Variants in MFN1 observed in about 807,000 individuals in gnomAD.
MFN1 encodes mitofusin 1.
In MFN1, 65 loss-of-function variants were observed where a neutral mutation model predicts 92.4. The ratio of observed to expected loss-of-function variants is 0.70; its 90% confidence interval spans 0.58 to 0.86. The LOEUF (loss-of-function observed/expected upper bound fraction) is 0.86, where lower values mean the gene tolerates loss of function less well. Among genes scored for constraint, MFN1 ranks in the 40% least tolerant of loss-of-function variants. The pLI is 0.00. For synonymous variants in MFN1, 297 were observed against 300.9 expected, an observed-to-expected ratio of 0.99 and a Z score of 0.13; for missense variants, 781 against 868.0, an observed-to-expected ratio of 0.90 and a Z score of 1.26.
intron 9 of MFN1, among the ~76,000 whole-genome samples, chr3:179,368,988 TG>T (rs1029014550): frequency 6.6e-6 from 1 of 152,124 alleles, no homozygotes; most frequent in Non-Finnish European, 1.5e-5. Flanking sequence ...ATCTTTAATT[TG>T]GTGAGAGAAA....
intron 3 of MFN1, among the ~76,000 whole-genome samples, chr3:179,355,058 A>G (rs890860508): frequency 1.3e-5 from 2 of 152,050 alleles, no homozygotes; most frequent in African/African-American, 2.4e-5. Flanking sequence ...CGGCCTCCCA[A>G]AGTGCTGGGA....
intron 7 of MFN1, among the ~76,000 whole-genome samples, 181 bp from the exon 8 acceptor site, chr3:179,367,258 G>A (rs913743884): frequency 2.3e-4 from 35 of 152,308 alleles, no homozygotes; most frequent in Admixed American, 7.2e-4. Context: ...AGACAGAATC[G>A]TTAAGAGAAA....
At chr3:179,356,827 G>T (rs9822116) in intron 3 of MFN1, among the ~76,000 whole-genome samples, 78,847 of 151,830 alleles carry the variant, frequency 0.52, 21,957 homozygotes, top group African/African-American at 0.73. Flanking sequence ...GTAACTATAG[G>T]AGGTCCATCA....
At chr3:179,361,279 A>C (rs1712565628) in intron 4 of MFN1, among the ~76,000 whole-genome samples, 1 of 152,154 alleles carries the variant, frequency 6.6e-6, no homozygotes, top group Non-Finnish European at 1.5e-5. Context: ...TTCCTGATCC[A>C]TGCTCTTCCA....
chr3:179,361,270 T>G (rs1278965184), intron 4 of MFN1, among the ~76,000 whole-genome samples: 1 of 152,216 alleles, frequency 6.6e-6, no homozygotes, highest in East Asian at 1.9e-4. Context: ...TCTCTCATTT[T>G]CCTGATCCAT....
intron 12 of MFN1, among the ~76,000 whole-genome samples, chr3:179,377,974 C>T (rs1044187130): frequency 6.6e-6 from 1 of 151,604 alleles, no homozygotes; most frequent in African/African-American, 2.4e-5. Flanking sequence ...GCGGGAGAAT[C>T]GCTTGAAACC....
intron 10 of MFN1, among the ~76,000 whole-genome samples, chr3:179,376,733 A>G (rs1713255317): frequency 6.6e-6 from 1 of 152,060 alleles, no homozygotes; most frequent in African/African-American, 2.4e-5. Context: ...CTATATGCTG[A>G]CCCCTGCTTA....
chr3:179,381,268 T>TG (rs1713455843), intron 14 of MFN1, among the ~76,000 whole-genome samples: 1 of 152,180 alleles, frequency 6.6e-6, no homozygotes, highest in Non-Finnish European at 1.5e-5. Flanking sequence ...GGCAAGTAGG[T>TG]GGTACTGCAG....
chr3:179,378,218 CAAAA>C (rs35435588), intron 12 of MFN1, 119 bp from the exon 13 acceptor site: 57 of 621,034 alleles, frequency 9.2e-5, no homozygotes, highest in South Asian at 2.0e-4. Context: ...GACCCTGTCT[CAAAA>C]AAAAAAAAAA....
chr3:179,386,400 CT>C (rs1396899665), intron 15 of MFN1, 32 bp from the exon 16 acceptor site: 7 of 1,571,338 alleles, frequency 4.5e-6, no homozygotes, highest in African/African-American at 1.4e-5. Context: ...GGTGTTTTTC[CT>C]TCTCAGACTA....
intron 6 of MFN1, 89 bp downstream of exon 6, chr3:179,364,494 TG>T: frequency 9.4e-7 from 1 of 1,065,052 alleles, no homozygotes. Context: ...ATCCATATCG[TG>T]GATTAGAAAA....
chr3:179,358,231 A>G (rs1363063005), intron 3 of MFN1, among the ~76,000 whole-genome samples: 1 of 148,738 alleles, frequency 6.7e-6, no homozygotes, highest in African/African-American at 2.5e-5. Flanking sequence ...GCTCACTGCA[A>G]CCTCCACCTC....
chr3:179,387,468 C>T, intron 16 of MFN1, among the ~76,000 whole-genome samples: 1 of 151,958 alleles, frequency 6.6e-6, no homozygotes, highest in Non-Finnish European at 1.5e-5. Context: ...ATCGCTTGAC[C>T]CTGGAAGGCA....
At chr3:179,366,182 A>G (rs1314915847) in intron 7 of MFN1, among the ~76,000 whole-genome samples, 2 of 152,214 alleles carry the variant, frequency 1.3e-5, no homozygotes, top group Non-Finnish European at 2.9e-5. Context: ...CAGGCCCCCA[A>G]GCAAACACTG....
At chr3:179,379,943 TA>T (rs35073133) in intron 14 of MFN1, among the ~76,000 whole-genome samples, 1 of 152,116 alleles carries the variant, frequency 6.6e-6, no homozygotes, top group African/African-American at 2.4e-5. Context: ...TGCAGAAAGT[TA>T]AAAACGAAGA....
At chr3:179,385,932 AC>A (rs1366225633) in intron 15 of MFN1, among the ~76,000 whole-genome samples, 6 of 152,218 alleles carry the variant, frequency 3.9e-5, no homozygotes, top group South Asian at 4.1e-4. Context: ...AACTATCACC[AC>A]CTAGCTGGTC....
rs1304110585 is a variant in MFN1, at chr3:179,393,229, G to T, written c.*1170G>T. 1 of 152,076 alleles carries T rather than the reference G, an allele frequency of 6.6e-6. No homozygotes were observed. Among genetic ancestry groups the T allele is most frequent in the Admixed American group, 6.6e-5 (1 of 15,266 alleles). The allele number at this position is 152,076 out of a possible 1,614,324, so 9.4% of individuals were successfully genotyped here. ...TCTTTAACTGATGTTAAAAAAAATT[G>T]ATTGAAACTCAGATGGAATGGAAAT... On this transcript the variant is annotated 3_prime_UTR_variant, in exon 18 of 18. Transcript: ENST00000471841.
chr3:179,377,097 A>G lies in MFN1; in HGVS notation c.1153A>G (p.Asn385Asp). 2 of 1,613,926 alleles carry G rather than the reference A, an allele frequency of 1.2e-6. No homozygotes were observed. Among genetic ancestry groups the G allele is most frequent in the Non-Finnish European group, 1.7e-6 (2 of 1,179,896 alleles). The change falls in exon 11 of 18, where the codon AAC becomes GAC. Residue 385 changes from asparagine to aspartate, a missense_variant. Coordinates refer to ENST00000471841, the MANE Select transcript of MFN1 (RefSeq NM_033540.3). ...DQIDRLDFIR[N>D]QMNLLTLDVK... ...AATTGATAGACTGGACTTTATTCGA[A>G]ACCAGATGAACCTTTTAACACTGGA...
In MFN1 at chr3:179,390,123, AT is replaced by A; in HGVS notation, c.2134del (p.Ser712GlnfsTer4). The A allele has an allele frequency of 1.3e-6, 2 of 1,590,140 alleles. No individual in the cohort carries two copies. Among genetic ancestry groups the A allele is most frequent in the Non-Finnish European group, 1.7e-6 (2 of 1,172,174 alleles). The stretch of plus-strand genomic sequence containing the variant: ...GATCAGTTGGAGAAAATACAAAACA[AT>A]TCAAAGCTCTTAAGGTATTTAAACC... ...EIDQLEKIQN[N>X]SKLLRNKAVQ... is the part of the protein sequence containing the mutation. On this transcript the variant is annotated frameshift_variant, in exon 17 of 18. Transcript: ENST00000471841. LOFTEE classifies it high-confidence loss of function.
Sources: gnomAD v4.1 joint callset for allele counts (sites outside exome capture counted in the v4.1 genomes callset) on GRCh38, gnomAD v4.1.1 for gene constraint, MANE v1.5 for transcripts, NCBI Gene and HGNC (gene_info 2026-07-23, HGNC 2026-07-21) for gene names.